Variants in MCTP2 observed in about 807,000 individuals in gnomAD.
MCTP2 encodes the protein multiple C2 and transmembrane domain-containing protein 2.
Under a neutral mutation model 111.6 loss-of-function variants are expected in MCTP2, and 132 were observed. The observed-to-expected ratio is 1.18, with a 90% CI of 1.03 to 1.37. The LOEUF is 1.37. Among genes scored for constraint, MCTP2 ranks in the 40% most tolerant of loss-of-function variants. The pLI, the probability that MCTP2 is intolerant of heterozygous loss-of-function variation, is 0.00. For missense variants in MCTP2, 1,183 were observed against 1,067.9 expected (o/e 1.11, Z -1.50); for synonymous variants, 395 against 387.7 (o/e 1.02, Z -0.22).
At chr15:94,361,525 G>A (rs2078943131) in intron 10 of MCTP2, among the ~76,000 whole-genome samples, 1 of 152,186 alleles carries the variant, frequency 6.6e-6, no homozygotes, top group Non-Finnish European at 1.5e-5. Flanking sequence ...ATGGCTAACA[G>A]TAACAACATC....
intron 11 of MCTP2, among the ~76,000 whole-genome samples, chr15:94,368,977 G>A (rs2079344448): frequency 6.6e-6 from 1 of 152,210 alleles, no homozygotes; most frequent in Non-Finnish European, 1.5e-5. Context: ...GCACATTAGA[G>A]GGAACGAATG....
intron 12 of MCTP2, among the ~76,000 whole-genome samples, chr15:94,380,687 G>A (rs529345424): frequency 5.1e-4 from 77 of 151,692 alleles, no homozygotes; most frequent in Admixed American, 9.8e-4. Flanking sequence ...AGAATTGCTG[G>A]AACCCAGGAG....
intron 20 of MCTP2, among the ~76,000 whole-genome samples, chr15:94,463,936 G>T (rs2085365809): frequency 6.6e-6 from 1 of 151,752 alleles, no homozygotes; most frequent in Non-Finnish European, 1.5e-5. Flanking sequence ...CAACATTATT[G>T]TTCTACAGTC....
intron 19 of MCTP2, among the ~76,000 whole-genome samples, chr15:94,447,463 C>T (rs1043213302): frequency 5.3e-5 from 8 of 152,160 alleles, no homozygotes; most frequent in African/African-American, 1.7e-4. Context: ...GGTGCCATTT[C>T]GGCTCAGTGC....
intron 8 of MCTP2, among the ~76,000 whole-genome samples, chr15:94,349,819 G>GAA (rs1201748064): frequency 2.4e-5 from 3 of 126,550 alleles, no homozygotes; most frequent in Non-Finnish European, 5.1e-5. Flanking sequence ...GACTCTGTCT[G>GAA]AAAAAAAAAA....
At chr15:94,298,151 GT>G (rs1394933650) in intron 1 of MCTP2, 49 bp from the exon 2 acceptor site, 36,116 of 578,382 alleles carry the variant, frequency 0.062, 144 homozygotes, top group African/African-American at 0.092. Flanking sequence ...GAAGGTTCAT[GT>G]TTTTTTTTTT....
chr15:94,403,528 C>T (rs1011111254), intron 17 of MCTP2, among the ~76,000 whole-genome samples: 1 of 152,204 alleles, frequency 6.6e-6, no homozygotes, highest in African/African-American at 2.4e-5. Context: ...GTTTCTGGCA[C>T]TGTGATTTTA....
intron 1 of MCTP2, among the ~76,000 whole-genome samples, chr15:94,260,507 G>A (rs1275560703): frequency 1.3e-5 from 2 of 152,034 alleles, no homozygotes; most frequent in Non-Finnish European, 2.9e-5. Context: ...CAGTAAATGG[G>A]GCTTCCAACA....
intron 1 of MCTP2, among the ~76,000 whole-genome samples, chr15:94,276,855 A>T (rs1255503126): frequency 6.6e-6 from 1 of 150,934 alleles, no homozygotes. Context: ...AAAAAAAAAA[A>T]AAAAGAGATA....
intron 8 of MCTP2, chr15:94,355,797 G>C: frequency 2.2e-6 from 1 of 449,164 alleles, no homozygotes; most frequent in Non-Finnish European, 2.9e-6. Context: ...TATCTCTGTT[G>C]CCCAGAATGT....
At chr15:94,440,875 A>G (rs890904482) in intron 18 of MCTP2, among the ~76,000 whole-genome samples, 1 of 152,142 alleles carries the variant, frequency 6.6e-6, no homozygotes, top group Non-Finnish European at 1.5e-5. Flanking sequence ...CCCTTTCTCA[A>G]AGACATCTCT....
Position 94,439,018 on chromosome 15 carries a change from G to A in MCTP2, c.2086-1158G>A, listed in dbSNP as rs893804458. ...ATGTGACTATATTCTTAGAAGCCTC[G>A]CAGGAATGAAATAAACTATTTGATA... On this transcript the variant is annotated intron_variant, in intron 17 of 22. Transcript: ENST00000357742. 6.6e-5 allele frequency among the ~76,000 whole-genome samples: 10 copies of A among 152,018 alleles called. No individual in the cohort carries two copies. The East Asian group carries it at 7.7e-4, about 12-fold the overall frequency.
rs2073579906 is a variant in MCTP2 at position 94,468,276 on chromosome 15, T to A, written c.2361-2057T>A. On this transcript the variant is annotated intron_variant, in intron 20 of 22. Coordinates refer to ENST00000357742, the MANE Select transcript of MCTP2 (RefSeq NM_001385001.1). ...GCTAACTATTCTGCAAGTTTTTAAT[T>A]CTAGCAGAATCTGTGATATAGGTAT... Among the ~76,000 whole-genome samples, 20 of 151,540 alleles carry A rather than the reference T, an allele frequency of 1.3e-4. No individual in the cohort carries two copies. In the South Asian group the frequency reaches 4.1e-3, roughly 31 times the overall value.
chr15:94,340,601 G>T (rs2077584597), intron 6 of MCTP2, among the ~76,000 whole-genome samples: 1 of 152,094 alleles, frequency 6.6e-6, no homozygotes, highest in South Asian at 2.1e-4. Context: ...AGGGGAGGGG[G>T]ATCAGTTAAC....
intron 20 of MCTP2, among the ~76,000 whole-genome samples, chr15:94,463,351 T>C (rs185217023): frequency 6.6e-6 from 1 of 152,208 alleles, no homozygotes; most frequent in Non-Finnish European, 1.5e-5. Context: ...GAGTACTTGA[T>C]AGTGTGGTGC....
intron 19 of MCTP2, among the ~76,000 whole-genome samples, chr15:94,448,397 C>T (rs2084251709): frequency 6.6e-6 from 1 of 152,198 alleles, no homozygotes; most frequent in Admixed American, 6.5e-5. Flanking sequence ...CTGTCCTTCT[C>T]TTAGCGAATG....
At chr15:94,326,679 T>C (rs1439194906) in intron 4 of MCTP2, among the ~76,000 whole-genome samples, 1 of 152,040 alleles carries the variant, frequency 6.6e-6, no homozygotes, top group African/African-American at 2.4e-5. Flanking sequence ...GCAATTCTCC[T>C]GCCTCAGCCT....
chr15:94,423,462 A>C (rs1225413961), intron 17 of MCTP2, among the ~76,000 whole-genome samples: 1 of 152,326 alleles, frequency 6.6e-6, no homozygotes, highest in African/African-American at 2.4e-5. Flanking sequence ...CACAAAAGGG[A>C]AAAGTACAAC....
chr15:94,348,863 C>T (rs1321822865), intron 8 of MCTP2, among the ~76,000 whole-genome samples: 1 of 152,004 alleles, frequency 6.6e-6, no homozygotes, highest in Non-Finnish European at 1.5e-5. Flanking sequence ...AATGCCCACT[C>T]CTAGTAACAC....
Sources: allele counts gnomAD v4.1 joint callset (sites outside exome capture counted in the v4.1 genomes callset), GRCh38; gene constraint gnomAD v4.1.1; transcripts MANE v1.5; gene names NCBI Gene and HGNC (gene_info 2026-07-23, HGNC 2026-07-21).